The following SULT1B1 variants were observed in gnomAD, a reference collection of about 807,000 sequenced individuals.
The protein encoded by SULT1B1 is sulfotransferase 1B1.
SULT1B1 carries 28 observed loss-of-function variants against 34.6 expected under a neutral mutation model. That is an observed-to-expected ratio of 0.81 (90% CI 0.60 to 1.11). SULT1B1 has a LOEUF of 1.11. SULT1B1 is among the 50% of genes least tolerant of loss of function. The probability of loss-of-function intolerance (pLI) is 0.00; values close to 1 mark genes in which losing one functional copy is unlikely to be tolerated. For synonymous variants in SULT1B1, 147 were observed against 110.2 expected (o/e 1.33, Z -2.09); for missense variants, 374 against 352.2 (o/e 1.06, Z -0.50).
At chr4:69,739,093 A>G (rs1202352652) in intron 4 of SULT1B1, among the ~76,000 whole-genome samples, 1 of 152,092 alleles carries the variant, frequency 6.6e-6, no homozygotes, top group Non-Finnish European at 1.5e-5. Context: ...GGCTGCTTTC[A>G]CAGCTGGTGT....
At position 69,721,688 on chromosome 4, in the gene SULT1B1, A is replaced by C. The variant is rs1717671703; in HGVS notation, c.*5400T>G. 1 of 152,122 alleles carries C rather than the reference A, an allele frequency of 6.6e-6. No homozygotes were observed. Among genetic ancestry groups the C allele is most frequent in the Non-Finnish European group, 1.5e-5 (1 of 67,980 alleles). 9.4% of individuals were successfully genotyped at this position (152,122 alleles called of 1,614,324 possible). A position where few individuals can be genotyped will look rare whatever the true frequency, so the allele number is the denominator to read the frequency against. ...AGAATAGGGTGGATTGAAAGGGAAT[A>C]CATGACACTTCCCTTTGAATGTATG... On this transcript the variant is annotated 3_prime_UTR_variant, in exon 8 of 8. Transcript: ENST00000310613.
chr4:69,755,723 C>A (rs990006681), intron 1 of SULT1B1, among the ~76,000 whole-genome samples: 1 of 151,966 alleles, frequency 6.6e-6, no homozygotes, highest in Non-Finnish European at 1.5e-5. Flanking sequence ...TTATTTTGAG[C>A]AAGTAGATTA....
At chr4:69,736,465 A>C (rs1300355620) in intron 4 of SULT1B1, among the ~76,000 whole-genome samples, 1 of 152,198 alleles carries the variant, frequency 6.6e-6, no homozygotes, top group Non-Finnish European at 1.5e-5. Flanking sequence ...AGGAGAGGGA[A>C]GAGCAAAGAG....
At chr4:69,737,699 T>C (rs1367951765) in intron 4 of SULT1B1, among the ~76,000 whole-genome samples, 2 of 151,844 alleles carry the variant, frequency 1.3e-5, no homozygotes, top group Non-Finnish European at 2.9e-5. Context: ...CTAAGAAAAC[T>C]ATACAAAAAT....
chr4:69,727,238 A>C, intron 7 of SULT1B1, 38 bp from the exon 8 acceptor site: 1 of 1,530,220 alleles, frequency 6.5e-7, no homozygotes, highest in Non-Finnish European at 8.9e-7. Context: ...AGAATAAAAT[A>C]TTTCCATAAG....
At position 69,723,600 on chromosome 4, in the gene SULT1B1, G is replaced by C. The variant is rs912045334; in HGVS notation, c.*3488C>G. On this transcript the variant is annotated 3_prime_UTR_variant, in exon 8 of 8. Coordinates refer to ENST00000310613, the MANE Select transcript of SULT1B1 (RefSeq NM_014465.4). ...AAGAGAATTTTAGACCAATAACCCT[G>C]ATGAACATTGATGCAAAAATCCTCA... 7 of 152,168 alleles carry C rather than the reference G, an allele frequency of 4.6e-5. No homozygotes were observed. The highest frequency in any genetic ancestry group is 8.8e-5 in the Non-Finnish European group (6 of 68,060). The allele number at this position is 152,168 out of a possible 1,614,324, so 9.4% of individuals were successfully genotyped here.
At chr4:69,749,564 A>G (rs1718889979) in intron 4 of SULT1B1, among the ~76,000 whole-genome samples, 157 bp downstream of exon 4, 1 of 152,316 alleles carries the variant, frequency 6.6e-6, no homozygotes, top group South Asian at 2.1e-4. Context: ...CTAAAACTTA[A>G]TGGCTTTTGA....
intron 3 of SULT1B1, among the ~76,000 whole-genome samples, chr4:69,750,816 G>A (rs1251466616): frequency 1.3e-5 from 2 of 152,150 alleles, no homozygotes; most frequent in African/African-American, 2.4e-5. Flanking sequence ...CATAAGAACA[G>A]AGATGTAACT....
chr4:69,757,388 T>C (rs1244035663), intron 1 of SULT1B1, among the ~76,000 whole-genome samples: 1 of 152,218 alleles, frequency 6.6e-6, no homozygotes, highest in East Asian at 1.9e-4. Flanking sequence ...TTAAGTATAA[T>C]AGTTTCTGGT....
At position 69,725,002 on chromosome 4, in the gene SULT1B1, A is replaced by C. The variant is rs1717760866; in HGVS notation, c.*2086T>G. Reference sequence around the variant, plus strand: ...TAAAACACCAAAAGCAATGGCAACAAAAGCCAAAATTGACAAATGGGATCT... The same window carrying C: ...TAAAACACCAAAAGCAATGGCAACACAAGCCAAAATTGACAAATGGGATCT... On this transcript the variant is annotated 3_prime_UTR_variant, in exon 8 of 8. Transcript: ENST00000310613. The C allele has an allele frequency of 1.3e-5, 2 of 152,276 alleles. No homozygotes were observed. The highest frequency in any genetic ancestry group is 4.8e-5 in the African/African-American group (2 of 41,552). The allele number at this position is 152,276 out of a possible 1,614,324, so 9.4% of individuals were successfully genotyped here.
rs113361664 is a variant in SULT1B1, at chr4:69,733,617, T to C, written c.503-110A>G. On this transcript the variant is annotated intron_variant, in intron 5 of 7. Transcript: ENST00000310613. ...TTTTGAATTTAGTAACCAAAGGAAG[T>C]AAGAATATGAGGACAATCTTAAAAA... The C allele has an allele frequency of 2.3e-4, 177 of 758,710 alleles. 1 individual carries two copies. In the South Asian group the frequency reaches 3.8e-3, roughly 16 times the overall value. 47.0% of individuals were successfully genotyped at this position (758,710 alleles called of 1,614,324 possible). A position where few individuals can be genotyped will look rare whatever the true frequency, so the allele number is the denominator to read the frequency against.
At chr4:69,732,347 C>T (rs1214881496) in intron 6 of SULT1B1, among the ~76,000 whole-genome samples, 1 of 152,032 alleles carries the variant, frequency 6.6e-6, no homozygotes, top group Middle Eastern at 3.2e-3. Flanking sequence ...CCCAAAACTA[C>T]CTAAAGCAAG....
In SULT1B1 at chr4:69,722,313, G is replaced by A. The variant is rs62305390; in HGVS notation, c.*4775C>T. ...TTATTTTATCTTGCTAGTGAAGAAA[G>A]TGTAGCTAATCTATTACACAGATTA... On this transcript the variant is annotated 3_prime_UTR_variant, in exon 8 of 8. Transcript: ENST00000310613. 2 of 152,100 alleles carry A rather than the reference G, an allele frequency of 1.3e-5. No individual in the cohort carries two copies. Among genetic ancestry groups the A allele is most frequent in the Admixed American group, 6.6e-5 (1 of 15,244 alleles). 9.4% of individuals were successfully genotyped at this position (152,100 alleles called of 1,614,324 possible). A position where few individuals can be genotyped will look rare whatever the true frequency, so the allele number is the denominator to read the frequency against.
At position 69,736,500 on chromosome 4, in the gene SULT1B1, C is replaced by G. The variant is rs572320015; in HGVS notation, c.376-2236G>C. Among the ~76,000 whole-genome samples the G allele has an allele frequency of 6.6e-5, 10 of 152,108 alleles. No individual in the cohort carries two copies. In the South Asian group the frequency reaches 2.1e-3, roughly 32 times the overall value. On this transcript the variant is annotated intron_variant, in intron 4 of 7. Transcript: ENST00000310613. ...GGACTTCGTCTTACATCTTGGATACCAGCTCAGCGACAGTGGGATAAGGTA... is the reference window on the plus strand; with the variant it reads ...GGACTTCGTCTTACATCTTGGATACGAGCTCAGCGACAGTGGGATAAGGTA...
In SULT1B1 at chr4:69,725,080, A is replaced by C. The variant is rs1371225713; in HGVS notation, c.*2008T>G. ...AAAAGAAACTACCATCAGCGTGAAC[A>C]GGCAACCTACAGAATGGGAGAAAAT... On this transcript the variant is annotated 3_prime_UTR_variant, in exon 8 of 8. Coordinates refer to ENST00000310613, the MANE Select transcript of SULT1B1 (RefSeq NM_014465.4). 1 of 147,374 alleles carries C rather than the reference A, an allele frequency of 6.8e-6. No individual in the cohort carries two copies. The highest frequency in any genetic ancestry group is 1.5e-5 in the Non-Finnish European group (1 of 67,998). The allele number at this position is 147,374 out of a possible 1,614,324, so 9.1% of individuals were successfully genotyped here.
In SULT1B1 at chr4:69,753,914, C is replaced by A. The variant is rs187475797; in HGVS notation, c.277+756G>T. Among the ~76,000 whole-genome samples the A allele has an allele frequency of 4.1e-3, 620 of 152,304 alleles. 1 individual carries two copies. The highest frequency in any genetic ancestry group is 6.4e-3 in the Non-Finnish European group (437 of 68,002). On this transcript the variant is annotated intron_variant, in intron 3 of 7. Coordinates refer to ENST00000310613, the MANE Select transcript of SULT1B1 (RefSeq NM_014465.4). ...TTAACTAAACCAGCTGTTTCTATAT[C>A]TCAAGTCTGTTCTCTGTATGTCACA...
At chr4:69,751,864 C>T (rs1361472658) in intron 3 of SULT1B1, among the ~76,000 whole-genome samples, 2 of 152,334 alleles carry the variant, frequency 1.3e-5, no homozygotes, top group East Asian at 3.9e-4. Context: ...TGCCTTCCAT[C>T]TGTTATCCCT....
intron 6 of SULT1B1, 55 bp from the exon 7 acceptor site, chr4:69,730,736 T>C (rs1718048219): frequency 6.8e-7 from 1 of 1,463,872 alleles, no homozygotes. Flanking sequence ...AATGTGAATA[T>C]TTATAAAACA....
At position 69,722,601 on chromosome 4, in the gene SULT1B1, C is replaced by A. The variant is rs1212809287; in HGVS notation, c.*4487G>T. The stretch of plus-strand genomic sequence containing the variant: ...ATATACTCTAAAATACTTTATAAAA[C>A]ATATTGTAATAAATCTATAGAAGCA... On this transcript the variant is annotated 3_prime_UTR_variant, in exon 8 of 8. Coordinates refer to ENST00000310613, the MANE Select transcript of SULT1B1 (RefSeq NM_014465.4). 6.6e-6 allele frequency: 1 copy of A among 152,020 alleles called. No homozygotes were observed. Among genetic ancestry groups the A allele is most frequent in the African/African-American group, 2.4e-5 (1 of 41,378 alleles). 9.4% of individuals were successfully genotyped at this position (152,020 alleles called of 1,614,324 possible). A position where few individuals can be genotyped will look rare whatever the true frequency, so the allele number is the denominator to read the frequency against.
Sources: gnomAD v4.1 joint callset for allele counts (sites outside exome capture counted in the v4.1 genomes callset) on GRCh38, gnomAD v4.1.1 for gene constraint, MANE v1.5 for transcripts, NCBI Gene and HGNC (gene_info 2026-07-23, HGNC 2026-07-21) for gene names.